The following PDHX variants were observed in gnomAD, a reference collection of about 807,000 sequenced individuals.
The protein encoded by PDHX is pyruvate dehydrogenase protein X component, mitochondrial.
In PDHX, 33 loss-of-function variants were observed where a neutral mutation model predicts 55.3. The observed-to-expected ratio is 0.60, with a 90% confidence interval of 0.45 to 0.80. The LOEUF (loss-of-function observed/expected upper bound fraction) is 0.80, where lower values mean the gene tolerates loss of function less well. Ranked by LOEUF, PDHX falls within the 30% of genes least tolerant of loss-of-function variation. The pLI is 0.00. For missense variants in PDHX, 622 were observed against 619.9 expected (o/e 1.00, Z -0.04); for synonymous variants, 226 against 219.4 (o/e 1.03, Z -0.27).
At chr11:34,979,341 T>C (rs767113326) in intron 8 of PDHX, among the ~76,000 whole-genome samples, 2 of 152,120 alleles carry the variant, frequency 1.3e-5, no homozygotes, top group East Asian at 3.9e-4. Flanking sequence ...TCAGTGGAGG[T>C]GATGTAAACC....
In PDHX at chr11:34,988,856, A is replaced by G. The variant is rs1590772879; in HGVS notation, c.1183-3459A>G. 2.0e-5 allele frequency among the ~76,000 whole-genome samples: 3 copies of G among 152,368 alleles called. 1 individual carries two copies. In the East Asian group the frequency reaches 5.8e-4, roughly 29 times the overall value. On this transcript the variant is annotated intron_variant, in intron 9 of 10. Coordinates refer to ENST00000227868, the MANE Select transcript of PDHX (RefSeq NM_003477.3). ...TGTACAAGCTATTTTGAGAGAGACC[A>G]CATTCACATGATTTTTAGAGTTATA...
intron 8 of PDHX, among the ~76,000 whole-genome samples, chr11:34,978,998 TC>T (rs1855445064): frequency 6.6e-6 from 1 of 152,012 alleles, no homozygotes; most frequent in African/African-American, 2.4e-5. Flanking sequence ...GACGATGAGC[TC>T]CCCTGGGAGG....
At position 34,916,667 on chromosome 11, in the gene PDHX, CT is replaced by C; in HGVS notation, c.13del (p.Trp5GlyfsTer22). On this transcript the variant is annotated frameshift_variant, in exon 1 of 11. Coordinates refer to ENST00000227868, the MANE Select transcript of PDHX (RefSeq NM_003477.3). LOFTEE classifies it high-confidence loss of function. MAAS[W>X]RLGCDPRLLR... The stretch of plus-strand genomic sequence containing the variant: ...AGAAGGCCGTCAAGATGGCGGCCTC[CT>C]GGAGGCTGGGCTGTGATCCGCGGCT... The C allele has an allele frequency of 6.2e-7, 1 of 1,610,144 alleles. No individual in the cohort carries two copies. Among genetic ancestry groups the C allele is most frequent in the Non-Finnish European group, 8.5e-7 (1 of 1,179,974 alleles).
rs150637762 is a variant in PDHX, at chr11:34,925,965, A to T, written c.161-5439A>T. On this transcript the variant is annotated intron_variant, in intron 1 of 10. Coordinates refer to ENST00000227868, the MANE Select transcript of PDHX (RefSeq NM_003477.3). ...TAGTCCCAAACATTTCTGATAAGGC[A>T]TACTCAACCTATATATTGCTTATGG... Among the ~76,000 whole-genome samples the T allele has an allele frequency of 6.6e-5, 10 of 152,332 alleles. No homozygotes were observed. The East Asian group carries it at 1.9e-3, about 29-fold the overall frequency.
At chr11:34,971,637 C>G (rs1855260638) in intron 7 of PDHX, among the ~76,000 whole-genome samples, 1 of 152,134 alleles carries the variant, frequency 6.6e-6, no homozygotes, top group Admixed American at 6.5e-5. Flanking sequence ...ATAAAATCCA[C>G]TTAATGATTA....
chr11:34,953,928 T>G (rs1219588683), intron 3 of PDHX, among the ~76,000 whole-genome samples: 2 of 152,256 alleles, frequency 1.3e-5, no homozygotes, highest in Non-Finnish European at 2.9e-5. Flanking sequence ...TTCAAGGGCT[T>G]AATGAATGTT....
intron 7 of PDHX, among the ~76,000 whole-genome samples, chr11:34,972,273 A>T (rs1855273281): frequency 6.9e-6 from 1 of 144,870 alleles, no homozygotes; most frequent in Non-Finnish European, 1.5e-5. Context: ...TTGCTCTTTT[A>T]TTTCTAGTTT....
intron 9 of PDHX, among the ~76,000 whole-genome samples, chr11:34,985,170 C>T (rs1220197934): frequency 4.6e-5 from 7 of 152,188 alleles, no homozygotes; most frequent in Non-Finnish European, 1.0e-4. Flanking sequence ...CGGCCAGGCG[C>T]GGTGTCTCAC....
At chr11:34,965,898 G>A (rs1022652592) in intron 5 of PDHX, among the ~76,000 whole-genome samples, 2 of 151,924 alleles carry the variant, frequency 1.3e-5, no homozygotes, top group Admixed American at 6.6e-5. Context: ...ATATTAAAAT[G>A]TTCCAAAAAT....
In PDHX at chr11:34,950,022, A is replaced by G. The variant is rs115091506; in HGVS notation, c.342+2416A>G. ...TAGCAGAATAATTATTCTCGGTACT[A>G]TTCACCTTCTTCAGTTGGTTTCTTC... On this transcript the variant is annotated intron_variant, in intron 3 of 10. Coordinates refer to ENST00000227868, the MANE Select transcript of PDHX (RefSeq NM_003477.3). 3.1e-3 allele frequency among the ~76,000 whole-genome samples: 471 copies of G among 152,242 alleles called. 2 individuals carry two copies. The highest frequency in any genetic ancestry group is 0.011 in the African/African-American group (456 of 41,556).
chr11:34,964,887 ATATGCTAATAAGTAATAGT>A (rs1855097766), intron 5 of PDHX, among the ~76,000 whole-genome samples: 1 of 141,598 alleles, frequency 7.1e-6, no homozygotes, highest in South Asian at 2.1e-4. Context: ...ATATTACTAA[ATATGCTAATAAGTAATAGT>A]TATGCTAAAA....
Position 34,995,495 on chromosome 11 carries a change from G to A in PDHX, c.*323G>A. ...ATGTTTGGCTCATTTGAGCATTTTG[G>A]AATATTTGAGAATGTATGATACATG... On this transcript the variant is annotated 3_prime_UTR_variant, in exon 11 of 11. Coordinates refer to ENST00000227868, the MANE Select transcript of PDHX (RefSeq NM_003477.3). 3.0e-6 allele frequency: 1 copy of A among 335,654 alleles called. No homozygotes were observed. The highest frequency in any genetic ancestry group is 5.7e-6 in the Non-Finnish European group (1 of 174,272). The allele number at this position is 335,654 out of a possible 1,614,324, so 20.8% of individuals were successfully genotyped here.
At chr11:34,993,065 A>G (rs1285258972) in intron 10 of PDHX, among the ~76,000 whole-genome samples, 2 of 152,132 alleles carry the variant, frequency 1.3e-5, no homozygotes, top group Non-Finnish European at 2.9e-5. Context: ...TTGTAGGAAA[A>G]TGCAAATTAG....
chr11:34,940,724 C>T (rs779487798), intron 2 of PDHX, among the ~76,000 whole-genome samples: 3 of 152,176 alleles, frequency 2.0e-5, no homozygotes, highest in Non-Finnish European at 1.5e-5. Context: ...TTTTTCCTCC[C>T]ATCTCTATCC....
At position 34,995,025 on chromosome 11, in the gene PDHX, G is replaced by A; in HGVS notation, c.1359G>A (p.Glu453=). The A allele has an allele frequency of 6.2e-7, 1 of 1,614,046 alleles. No homozygotes were observed. Among genetic ancestry groups the A allele is most frequent in the East Asian group, 2.2e-5 (1 of 44,870 alleles). ...TCCGACCTGTGCTGAAGCTCACTGA[G>A]GATGAAGAGGGAAATGCCAAACTGC... ...GRFRPVLKLT[E]DEEGNAKLQQ... is the part of the protein sequence containing the mutation. Residue 453 remains glutamate (E), a synonymous_variant, in exon 11 of 11, where the codon GAG becomes GAA. Transcript: ENST00000227868.
intron 1 of PDHX, among the ~76,000 whole-genome samples, chr11:34,930,126 G>C (rs994460179): frequency 2.6e-5 from 4 of 152,226 alleles, no homozygotes; most frequent in South Asian, 2.1e-4. Context: ...AGGCAGCGCC[G>C]TGTGTGTCTA....
rs566103868 is a variant in PDHX at position 34,992,138 on chromosome 11, T to G, written c.1183-177T>G. Reference sequence around the variant, plus strand: ...GTTTTGATTAACAGCTTTAGTTTCTTGAATTATCTGTGCTCTTGTTTGTTC... The same window carrying G: ...GTTTTGATTAACAGCTTTAGTTTCTGGAATTATCTGTGCTCTTGTTTGTTC... On this transcript the variant is annotated intron_variant, in intron 9 of 10. Coordinates refer to ENST00000227868, the MANE Select transcript of PDHX (RefSeq NM_003477.3). 4.6e-5 allele frequency among the ~76,000 whole-genome samples: 7 copies of G among 152,284 alleles called. No homozygotes were observed. The East Asian group carries it at 1.3e-3, about 29-fold the overall frequency.
At chr11:34,969,242 G>A (rs71480061) in intron 6 of PDHX, among the ~76,000 whole-genome samples, 3,297 of 152,126 alleles carry the variant, frequency 0.022, 74 homozygotes, top group South Asian at 0.029. Flanking sequence ...TTAAACTTAC[G>A]ATGGGTTCAT....
chr11:34,939,739 A>G (rs1351023195), intron 2 of PDHX, among the ~76,000 whole-genome samples: 1 of 152,192 alleles, frequency 6.6e-6, no homozygotes, highest in African/African-American at 2.4e-5. Context: ...TAGCATATAA[A>G]TTATTTCCGT....
Sources: allele counts gnomAD v4.1 joint callset (sites outside exome capture counted in the v4.1 genomes callset), GRCh38; gene constraint gnomAD v4.1.1; transcripts MANE v1.5; gene names NCBI Gene and HGNC (gene_info 2026-07-23, HGNC 2026-07-21).